KDM3B: variants seen among roughly 807,000 people sequenced by gnomAD.
KDM3B encodes the protein lysine demethylase 3B, also known as lysine-specific demethylase 3B.
A neutral mutation model predicts 170.0 loss-of-function variants in KDM3B; 10 were observed. The ratio of observed to expected loss-of-function variants is 0.06; its 90% CI spans 0.04 to 0.10. The LOEUF is 0.10. KDM3B is among the 10% of genes least tolerant of loss of function. The pLI, the probability that KDM3B is intolerant of heterozygous loss-of-function variation, is 1.00. For synonymous variants in KDM3B, 831 were observed against 834.8 expected (o/e 1.00, Z 0.08); for missense variants, 1,394 against 2,195.2 (o/e 0.64, Z 7.29).
intron 5 of KDM3B, among the ~76,000 whole-genome samples, chr5:138,380,273 C>T (rs1416351707): frequency 2.0e-5 from 3 of 150,980 alleles, no homozygotes; most frequent in Non-Finnish European, 1.5e-5. Flanking sequence ...AGGCATGAAC[C>T]ACTGCACCCG....
Position 138,391,367 on chromosome 5 carries a change from A to G in KDM3B, c.1735A>G (p.Thr579Ala). The G allele has an allele frequency of 2.5e-6, 4 of 1,614,152 alleles. No homozygotes were observed. The highest frequency in any genetic ancestry group is 3.4e-6 in the Non-Finnish European group (4 of 1,180,006). Residue 579 changes from threonine (T) to alanine (A), a missense_variant, in exon 8 of 24, where the codon ACT becomes GCT. Thr to Ala is a moderately conservative substitution (Grantham distance 58, BLOSUM62 0). This residue lies in a region of KDM3B where 294 missense variants were observed against 311.7 expected (regional missense o/e 0.94). Transcript: ENST00000314358. This position sits in a 1 kb window ranked among gnomAD's most constrained non-coding sequence, Gnocchi z 5.0. ...CKGRSVLGTD[T>A]KPGSKAGSSV... ...AGGCAGATCCGTTCTTGGAACAGAC[A>G]CTAAGCCAGGCTCTAAGGCTGGCAG...
At chr5:138,357,635 C>T (rs1761485104) in intron 1 of KDM3B, among the ~76,000 whole-genome samples, 2 of 152,240 alleles carry the variant, frequency 1.3e-5, no homozygotes, top group Non-Finnish European at 2.9e-5. Flanking sequence ...GTTGGGATTA[C>T]AGGCGTGAGC....
At chr5:138,429,430 A>G (rs1425436375) in intron 20 of KDM3B, among the ~76,000 whole-genome samples, 1 of 151,562 alleles carries the variant, frequency 6.6e-6, no homozygotes, top group Non-Finnish European at 1.5e-5. Flanking sequence ...TTAAAAGCCA[A>G]CCCTCTTCAC....
At position 138,375,007 on chromosome 5, in the gene KDM3B, T is replaced by G. The variant is rs1028244964; in HGVS notation, c.361-86T>G. 4 of 772,204 alleles carry G rather than the reference T, an allele frequency of 5.2e-6. No individual in the cohort carries two copies. In the African/African-American group the frequency reaches 6.9e-5, roughly 13 times the overall value. The allele number at this position is 772,204 out of a possible 1,614,324, so 47.8% of individuals were successfully genotyped here. On this transcript the variant is annotated intron_variant, in intron 2 of 23. Transcript: ENST00000314358. ...TTTACTGGGATGAAAGATATAATAATTATTTCTTTGAAGTTAGAGATTTGT... is the reference window on the plus strand; with the variant it reads ...TTTACTGGGATGAAAGATATAATAAGTATTTCTTTGAAGTTAGAGATTTGT...
At chr5:138,365,094 A>C (rs146936631) in intron 1 of KDM3B, among the ~76,000 whole-genome samples, 1 of 152,162 alleles carries the variant, frequency 6.6e-6, no homozygotes, top group Admixed American at 6.5e-5. Flanking sequence ...ATTATTTTTA[A>C]CAGAGTTTAC....
At chr5:138,397,508 C>CA (rs1295704111) in intron 9 of KDM3B, among the ~76,000 whole-genome samples, 7 of 151,332 alleles carry the variant, frequency 4.6e-5, no homozygotes, top group Non-Finnish European at 1.0e-4. Flanking sequence ...ACTTTGTCTC[C>CA]AAAAAATAAA....
At chr5:138,401,813 C>T (rs1227907710) in intron 11 of KDM3B, among the ~76,000 whole-genome samples, 1 of 152,208 alleles carries the variant, frequency 6.6e-6, no homozygotes, top group Non-Finnish European at 1.5e-5. Flanking sequence ...ATAGCCATCA[C>T]AGTGGCTGTG....
chr5:138,435,693 G>A lies in KDM3B; in HGVS notation c.5279G>A (p.Arg1760Lys), dbSNP rs766567612. 2.5e-6 allele frequency: 4 copies of A among 1,612,778 alleles called. No homozygotes were observed. The highest frequency in any genetic ancestry group is 1.1e-5 in the South Asian group (1 of 90,796). ...AAGGCTCATGAATCCAAACTGGCAA[G>A]GTCCTAGGCATGGAGAAACTCCAAG... ...TLKAHESKLA[R>K]S Residue 1760 changes from arginine (R) to lysine (K), a missense_variant, in exon 24 of 24, where the codon AGG becomes AAG. Transcript: ENST00000314358.
At chr5:138,381,235 T>C (rs945875248) in intron 5 of KDM3B, among the ~76,000 whole-genome samples, 1 of 152,152 alleles carries the variant, frequency 6.6e-6, no homozygotes, top group Non-Finnish European at 1.5e-5. Flanking sequence ...CTATACAGAA[T>C]AGGACAGTTT....
chr5:138,362,263 G>C (rs1388088922), intron 1 of KDM3B, among the ~76,000 whole-genome samples: 1 of 151,364 alleles, frequency 6.6e-6, no homozygotes, highest in Non-Finnish European at 1.5e-5. Flanking sequence ...GTTGCAGTGA[G>C]CCAAGATTGC....
chr5:138,423,304 A>T (rs1042991067), intron 15 of KDM3B, among the ~76,000 whole-genome samples: 1 of 152,238 alleles, frequency 6.6e-6, no homozygotes, highest in African/African-American at 2.4e-5. Flanking sequence ...CGTTTTATGT[A>T]TACTTGTTCA....
chr5:138,429,646 A>G lies in KDM3B; in HGVS notation c.4754-180A>G, dbSNP rs574506291. On this transcript the variant is annotated intron_variant, in intron 20 of 23. Coordinates refer to ENST00000314358, the MANE Select transcript of KDM3B (RefSeq NM_016604.4). ...AATGCTGAATCTCTAATAAGTAAGG[A>G]AGGTTTAATGTTGTTCTGTGTGTAG... is the stretch of plus-strand genomic sequence containing the variant. 2.1e-4 allele frequency among the ~76,000 whole-genome samples: 32 copies of G among 152,366 alleles called. No individual in the cohort carries two copies. The South Asian group carries it at 6.2e-3, about 30-fold the overall frequency.
rs1036560036 is a variant in KDM3B at position 138,435,891 on chromosome 5, TCA to T, written c.*200_*201del. ...GGTTGACACAGGAAAGTCGTACTGT[TCA>T]CACACACAGTTTGAGACTCCAAGCC... On this transcript the variant is annotated 3_prime_UTR_variant, in exon 24 of 24. Transcript: ENST00000314358. 11 of 579,274 alleles carry T rather than the reference TCA, an allele frequency of 1.9e-5. No individual in the cohort carries two copies. Among genetic ancestry groups the T allele is most frequent in the African/African-American group, 1.7e-4 (9 of 53,494 alleles). 35.9% of individuals were successfully genotyped at this position (579,274 alleles called of 1,614,324 possible).
chr5:138,380,301 T>C (rs1762094160), intron 5 of KDM3B, among the ~76,000 whole-genome samples: 1 of 149,024 alleles, frequency 6.7e-6, no homozygotes, highest in Admixed American at 6.7e-5. Context: ...TATTATTATA[T>C]TATATTTATT....
intron 22 of KDM3B, among the ~76,000 whole-genome samples, chr5:138,430,750 C>CG: frequency 6.6e-6 from 1 of 152,160 alleles, no homozygotes; most frequent in Non-Finnish European, 1.5e-5. Flanking sequence ...ATTAGGCAGG[C>CG]ATGGTGGCAC....
Position 138,393,318 on chromosome 5 carries a change from A to G in KDM3B, c.2777A>G (p.Lys926Arg), listed in dbSNP as rs1762478744. The change falls in exon 9 of 24, where the codon AAG becomes AGG. Residue 926 changes from lysine (K) to arginine (R), a missense_variant. By Grantham distance (26) the Lys-to-Arg change is conservative. Transcript: ENST00000314358. ...CGCCTGGAGCGGTACCGGAAGTTTA[A>G]GGAACAGGAGCAAGATGATTCTACT... ...ECRLERYRKF[K>R]EQEQDDSTVA... is the part of the protein sequence containing the mutation. The G allele has an allele frequency of 6.2e-7, 1 of 1,614,094 alleles. No individual in the cohort carries two copies. Among genetic ancestry groups the G allele is most frequent in the African/African-American group, 1.3e-5 (1 of 74,940 alleles).
intron 4 of KDM3B, among the ~76,000 whole-genome samples, chr5:138,379,279 C>T (rs1051046622): frequency 2.0e-5 from 3 of 151,994 alleles, no homozygotes; most frequent in Non-Finnish European, 4.4e-5. Flanking sequence ...TTGGAAGTTT[C>T]CTTTCCCTTC....
In KDM3B at chr5:138,428,022, G is replaced by C; in HGVS notation, c.4689G>C (p.Val1563=). The change falls in exon 20 of 24, where the codon GTG becomes GTC. Residue 1563 remains valine (V), a synonymous_variant. Coordinates refer to ENST00000314358, the MANE Select transcript of KDM3B (RefSeq NM_016604.4). ...GTACAACAAATCTTCACTTAGATGT[G>C]TCTGATGCTGTTAATGTGATGGTGT... The part of the protein sequence containing the change: ...RVGTTNLHLD[V]SDAVNVMVYV... The C allele has an allele frequency of 6.2e-7, 1 of 1,613,172 alleles. No individual in the cohort carries two copies. The highest frequency in any genetic ancestry group is 8.5e-7 in the Non-Finnish European group (1 of 1,179,150).
At chr5:138,398,829 A>G (rs1009357406) in intron 10 of KDM3B, among the ~76,000 whole-genome samples, 25 of 152,016 alleles carry the variant, frequency 1.6e-4, no homozygotes, top group African/African-American at 6.0e-4. Context: ...TCTGTAAGAT[A>G]CTATGCCCTA....
Sources: allele counts gnomAD v4.1 joint callset (sites outside exome capture counted in the v4.1 genomes callset), GRCh38; gene constraint gnomAD v4.1.1; regional missense constraint gnomAD v4.1.1; non-coding constraint Gnocchi (gnomAD v3.1); transcripts MANE v1.5; gene names NCBI Gene and HGNC (gene_info 2026-07-23, HGNC 2026-07-21).